Variants in TRMT10A observed in about 807,000 individuals in gnomAD.
TRMT10A encodes the protein tRNA methyltransferase 10A.
Under a neutral mutation model 40.4 loss-of-function variants are expected in TRMT10A, and 37 were observed. That is an observed-to-expected ratio of 0.92 (90% confidence interval 0.71 to 1.21). The LOEUF is 1.21. TRMT10A is among the 50% of genes most tolerant of loss of function. The probability of loss-of-function intolerance (pLI) is 0.00; values close to 1 mark genes in which losing one functional copy is unlikely to be tolerated. For missense variants in TRMT10A, 388 were observed against 404.3 expected (o/e 0.96, Z 0.35); for synonymous variants, 103 against 134.1 (o/e 0.77, Z 1.60).
At chr4:99,560,586 T>C (rs6825248) in intron 1 of TRMT10A, among the ~76,000 whole-genome samples, 1 of 151,746 alleles carries the variant, frequency 6.6e-6, no homozygotes, top group African/African-American at 2.4e-5. Context: ...TTAATTTTTT[T>C]AAAAAAAATC....
rs1298957527 is a variant in TRMT10A, at chr4:99,548,289, A to AT, written c.*798_*799insA. 1.3e-5 allele frequency: 2 copies of AT among 152,032 alleles called. No homozygotes were observed. The highest frequency in any genetic ancestry group is 2.9e-5 in the Non-Finnish European group (2 of 67,958). 9.4% of individuals were successfully genotyped at this position (152,032 alleles called of 1,614,324 possible). A position where few individuals can be genotyped will look rare whatever the true frequency, so the allele number is the denominator to read the frequency against. ...CTTAAGAGCCAACAAATTTAAAAAA[A>AT]ATATGGAAAAAAAAACCACAGCTGC... On this transcript the variant is annotated 3_prime_UTR_variant, in exon 8 of 8. Transcript: ENST00000394876.
At chr4:99,554,792 A>T (rs78697766) in intron 5 of TRMT10A, among the ~76,000 whole-genome samples, 4,047 of 152,024 alleles carry the variant, frequency 0.027, 182 homozygotes, top group African/African-American at 0.092. Flanking sequence ...AATTCCATGT[A>T]TCTGTTTCTA....
rs371955245 is a variant in TRMT10A, at chr4:99,556,185, C to A, written c.456G>T (p.Lys152Asn). Residue 152 changes from lysine (K) to asparagine (N), a missense_variant, in exon 5 of 8, where the codon AAG (lysine) becomes AAT (asparagine). Lys to Asn is a moderately conservative substitution (Grantham distance 94, BLOSUM62 0). Coordinates refer to ENST00000394876, the MANE Select transcript of TRMT10A (RefSeq NM_001134665.3). ...ATCCTTTGTCATTTTCATCCATGTT[C>A]TTTTTCAGCTGGCCTCCGTGGCTTG... ...YLTSHGGQLK[K>N]NMDENDKGWV... 5.0e-6 allele frequency: 8 copies of A among 1,613,400 alleles called. No homozygotes were observed. Among genetic ancestry groups the A allele is most frequent in the Non-Finnish European group, 6.8e-6 (8 of 1,179,686 alleles).
chr4:99,548,945 T>A lies in TRMT10A; in HGVS notation c.*143A>T, dbSNP rs186120618. ...ACAAAGTTTAAAGGGCTTTTTTTTT[T>A]ATTATTATTTAGGTCCAAAAAAAAG... On this transcript the variant is annotated 3_prime_UTR_variant, in exon 8 of 8. Coordinates refer to ENST00000394876, the MANE Select transcript of TRMT10A (RefSeq NM_001134665.3). 4.2e-3 allele frequency: 3,076 copies of A among 734,184 alleles called. 12 individuals carry two copies. Among genetic ancestry groups the A allele is most frequent in the Non-Finnish European group, 5.4e-3 (2,728 of 502,042 alleles). The allele number at this position is 734,184 out of a possible 1,614,324, so 45.5% of individuals were successfully genotyped here.
chr4:99,562,793 G>A (rs1724488736), intron 1 of TRMT10A, among the ~76,000 whole-genome samples: 1 of 151,578 alleles, frequency 6.6e-6, no homozygotes, highest in African/African-American at 2.4e-5. Context: ...CCAAAGTGCT[G>A]GGATTACAGG....
intron 1 of TRMT10A, among the ~76,000 whole-genome samples, chr4:99,563,111 G>A (rs993426069): frequency 5.9e-5 from 9 of 152,208 alleles, no homozygotes; most frequent in Admixed American, 1.3e-4. Context: ...GTGAGTCACC[G>A]CGCCCGGCCA....
At position 99,548,935 on chromosome 4, in the gene TRMT10A, C is replaced by T. The variant is rs1379304219; in HGVS notation, c.*153G>A. 2.7e-5 allele frequency: 17 copies of T among 640,130 alleles called. No individual in the cohort carries two copies. The East Asian group carries it at 4.0e-4, about 15-fold the overall frequency. 39.7% of individuals were successfully genotyped at this position (640,130 alleles called of 1,614,324 possible). A position where few individuals can be genotyped will look rare whatever the true frequency, so the allele number is the denominator to read the frequency against. ...ATATTTCCTTACAAAGTTTAAAGGG[C>T]TTTTTTTTTTATTATTATTTAGGTC... is the stretch of plus-strand genomic sequence containing the variant. On this transcript the variant is annotated 3_prime_UTR_variant, in exon 8 of 8. Coordinates refer to ENST00000394876, the MANE Select transcript of TRMT10A (RefSeq NM_001134665.3).
chr4:99,558,700 C>T (rs904872833), intron 2 of TRMT10A, among the ~76,000 whole-genome samples: 4 of 152,074 alleles, frequency 2.6e-5, no homozygotes, highest in Non-Finnish European at 5.9e-5. Context: ...ACAAATTTAG[C>T]CAAACTGCTT....
intron 5 of TRMT10A, among the ~76,000 whole-genome samples, chr4:99,555,709 C>T (rs998929903): frequency 3.9e-5 from 6 of 152,118 alleles, no homozygotes; most frequent in African/African-American, 1.4e-4. Flanking sequence ...CATAGCACAT[C>T]TCAATTCACA....
Position 99,547,297 on chromosome 4 carries a change from G to A in TRMT10A, c.*1791C>T, listed in dbSNP as rs1723773943. 1 of 152,116 alleles carries A rather than the reference G, an allele frequency of 6.6e-6. No individual in the cohort carries two copies. 9.4% of individuals were successfully genotyped at this position (152,116 alleles called of 1,614,324 possible). A position where few individuals can be genotyped will look rare whatever the true frequency, so the allele number is the denominator to read the frequency against. Reference sequence around the variant, plus strand: ...AGTATTCTTTCCTAGGGCCTAAGGAGGAAGCATGGCACTGGGACATTGTGA... The same window carrying A: ...AGTATTCTTTCCTAGGGCCTAAGGAAGAAGCATGGCACTGGGACATTGTGA... On this transcript the variant is annotated 3_prime_UTR_variant, in exon 8 of 8. Coordinates refer to ENST00000394876, the MANE Select transcript of TRMT10A (RefSeq NM_001134665.3).
intron 2 of TRMT10A, 61 bp downstream of exon 2, chr4:99,559,093 C>A: frequency 6.8e-7 from 1 of 1,476,948 alleles, no homozygotes; most frequent in Non-Finnish European, 9.1e-7. Flanking sequence ...AAGGGCTATG[C>A]AAGGTTTAAC....
At chr4:99,551,797 G>A (rs2110184156) in intron 6 of TRMT10A, among the ~76,000 whole-genome samples, 1 of 152,106 alleles carries the variant, frequency 6.6e-6, no homozygotes, top group South Asian at 2.1e-4. Context: ...ACCTTTCAGT[G>A]GACTAAGATG....
chr4:99,549,062 T>G lies in TRMT10A; in HGVS notation c.*26A>C. On this transcript the variant is annotated 3_prime_UTR_variant, in exon 8 of 8. Transcript: ENST00000394876. ...CACCTCACTTTCTCCTAATTTTTCCTTAAACTAAAAGGAAACCAGGTAACA... is the reference window on the plus strand; with the variant it reads ...CACCTCACTTTCTCCTAATTTTTCCGTAAACTAAAAGGAAACCAGGTAACA... The G allele has an allele frequency of 6.2e-7, 1 of 1,606,582 alleles. No individual in the cohort carries two copies. Among genetic ancestry groups the G allele is most frequent in the Non-Finnish European group, 8.5e-7 (1 of 1,174,492 alleles).
Position 99,549,207 on chromosome 4 carries a change from C to T in TRMT10A, c.901G>A (p.Gly301Arg). The T allele has an allele frequency of 1.2e-6, 2 of 1,614,062 alleles. No homozygotes were observed. The highest frequency in any genetic ancestry group is 1.7e-6 in the Non-Finnish European group (2 of 1,179,990). The change falls in exon 8 of 8, where the codon GGA becomes AGA. Residue 301 changes from glycine (G) to arginine (R), a missense_variant. By Grantham distance (125) the Gly-to-Arg change is moderately radical. Transcript: ENST00000394876. Reference protein sequence around the residue: ...DNQSVRMEEGGSDSDSSEEEY... With the variant: ...DNQSVRMEEGRSDSDSSEEEY... ...TCCTCACTGGAATCACTGTCCGATC[C>T]ACCTTCCTCCATCCTGACAGACTGA...
chr4:99,554,521 G>C (rs1005701988), intron 5 of TRMT10A, among the ~76,000 whole-genome samples: 2 of 152,026 alleles, frequency 1.3e-5, no homozygotes, highest in African/African-American at 4.8e-5. Context: ...AGGAGTTCGA[G>C]ACCAGCCTGG....
chr4:99,561,256 G>T (rs1724380429), intron 1 of TRMT10A, among the ~76,000 whole-genome samples: 1 of 152,046 alleles, frequency 6.6e-6, no homozygotes, highest in Admixed American at 6.5e-5. Context: ...TGAATCACCA[G>T]GCCCGGCCTA....
intron 1 of TRMT10A, among the ~76,000 whole-genome samples, chr4:99,561,928 C>T (rs934376522): frequency 3.3e-5 from 5 of 151,874 alleles, no homozygotes; most frequent in Non-Finnish European, 5.9e-5. Flanking sequence ...GCCTGTAATC[C>T]CAACACTTTG....
At position 99,555,913 on chromosome 4, in the gene TRMT10A, G is replaced by A. The variant is rs575425271; in HGVS notation, c.495+233C>T. The stretch of plus-strand genomic sequence containing the variant: ...TAAAATTATTTCTTTTTAAAAATAC[G>A]TTTTAAAAGTTGACCATAAAATAGG... On this transcript the variant is annotated intron_variant, in intron 5 of 7. Transcript: ENST00000394876. Among the ~76,000 whole-genome samples the A allele has an allele frequency of 7.2e-5, 11 of 152,230 alleles. No individual in the cohort carries two copies. In the East Asian group the frequency reaches 9.6e-4, roughly 13 times the overall value.
At chr4:99,551,063 T>C in intron 6 of TRMT10A, 73 bp from the exon 7 acceptor site, 17 of 1,090,640 alleles carry the variant, frequency 1.6e-5, no homozygotes, top group Non-Finnish European at 2.2e-5. Flanking sequence ...ATAAATAATT[T>C]TTAGATAAGA....
Sources: gnomAD v4.1 joint callset for allele counts (sites outside exome capture counted in the v4.1 genomes callset) on GRCh38, gnomAD v4.1.1 for gene constraint, MANE v1.5 for transcripts, NCBI Gene and HGNC (gene_info 2026-07-23, HGNC 2026-07-21) for gene names.